Variants in TMEM51 observed in about 807,000 individuals in gnomAD.
The protein encoded by TMEM51 is chromosome 1 open reading frame 72.
A neutral mutation model predicts 13.6 loss-of-function variants in TMEM51; 8 were observed. The ratio of observed to expected loss-of-function variants is 0.59; its 90% confidence interval spans 0.35 to 1.07. TMEM51 has a LOEUF of 1.07. Ranked by LOEUF, TMEM51 falls within the 50% of genes least tolerant of loss-of-function variation. The pLI is 0.02. For synonymous variants in TMEM51, 147 were observed against 144.4 expected (o/e 1.02, Z -0.13); for missense variants, 279 against 330.7 (o/e 0.84, Z 1.21).
At chr1:15,159,644 C>T (rs956719492) in intron 1 of TMEM51, among the ~76,000 whole-genome samples, 2 of 152,202 alleles carry the variant, frequency 1.3e-5, no homozygotes, top group Non-Finnish European at 2.9e-5. Flanking sequence ...GCAACCTCCA[C>T]CTCCCAGGTT....
chr1:15,162,892 G>A (rs890771773), intron 1 of TMEM51, among the ~76,000 whole-genome samples: 7 of 151,992 alleles, frequency 4.6e-5, no homozygotes, highest in Admixed American at 3.9e-4. Context: ...ATGGGTAAGG[G>A]GTTTCAGTTT....
At chr1:15,193,575 C>CTTTCTTTCTTT (rs1249772503) in intron 1 of TMEM51, among the ~76,000 whole-genome samples, 1 of 114,644 alleles carries the variant, frequency 8.7e-6, no homozygotes, top group African/African-American at 3.6e-5. Context: ...TTCTTTCTTT[C>CTTTCTTTCTTT]TTTTTTTTTT....
Position 15,219,776 on chromosome 1 carries a change from T to A in TMEM51, c.*33T>A. ...CACTTGAGCCACGCTCCCTCCTGTC[T>A]CTCACACCTTTCACCCCCAAGACTC... On this transcript the variant is annotated 3_prime_UTR_variant, in exon 4 of 4. Transcript: ENST00000376008. The A allele has an allele frequency of 6.3e-7, 1 of 1,597,782 alleles. No homozygotes were observed. The highest frequency in any genetic ancestry group is 8.5e-7 in the Non-Finnish European group (1 of 1,171,966).
intron 1 of TMEM51, chr1:15,171,363 AG>A (rs1051234106): frequency 2.1e-5 from 26 of 1,259,500 alleles, no homozygotes; most frequent in Non-Finnish European, 2.5e-5. Context: ...ATGCATTCAT[AG>A]GGGGGGCGGC....
chr1:15,165,919 C>CAG (rs144931653), intron 1 of TMEM51, among the ~76,000 whole-genome samples: 36,561 of 151,758 alleles, frequency 0.24, 4,786 homozygotes, highest in African/African-American at 0.35. Flanking sequence ...GCCTGGGTGA[C>CAG]AGTGAGATTT....
At chr1:15,168,514 T>C in intron 1 of TMEM51, 1 of 1,304,602 alleles carries the variant, frequency 7.7e-7, no homozygotes, top group African/African-American at 1.5e-5. Context: ...CTTGGTTTTA[T>C]GATTGGAAGC....
intron 1 of TMEM51, among the ~76,000 whole-genome samples, chr1:15,202,053 T>C (rs1410410337): frequency 1.3e-5 from 2 of 152,146 alleles, no homozygotes; most frequent in African/African-American, 2.4e-5. Flanking sequence ...CCCCAGGAAG[T>C]GGGGTGCCTG....
Position 15,211,821 on chromosome 1 carries a change from ACCCCCC to A in TMEM51, c.-194+1270_-194+1275del, listed in dbSNP as rs3078883. Among the ~76,000 whole-genome samples, 25 of 101,262 alleles carry A rather than the reference ACCCCCC, an allele frequency of 2.5e-4. 2 individuals are homozygous for A. In the East Asian group the frequency reaches 3.2e-3, roughly 13 times the overall value. The allele number at this position is 101,262 out of a possible 152,430, so 66.4% of individuals were successfully genotyped here. ...AATCATGGTACAAGTCTGAAAGGTG[ACCCCCC>A]CCCCCCCCCCGGGATTTTTACATAC... On this transcript the variant is annotated intron_variant, in intron 2 of 3. Coordinates refer to ENST00000376008, the MANE Select transcript of TMEM51 (RefSeq NM_001136218.2).
intron 3 of TMEM51, among the ~76,000 whole-genome samples, chr1:15,215,822 T>A (rs947941769): frequency 6.6e-6 from 1 of 151,864 alleles, no homozygotes; most frequent in Non-Finnish European, 1.5e-5. Context: ...AGGTCAGGAG[T>A]TTGAGACCAG....
At chr1:15,158,348 G>A (rs1341989330) in intron 1 of TMEM51, among the ~76,000 whole-genome samples, 1 of 152,190 alleles carries the variant, frequency 6.6e-6, no homozygotes, top group African/African-American at 2.4e-5. Context: ...TGAACTCTTA[G>A]AAATGGAAGC....
At chr1:15,175,170 T>C (rs4661589) in intron 1 of TMEM51, among the ~76,000 whole-genome samples, 134,148 of 152,076 alleles carry the variant, frequency 0.88, 59,972 homozygotes, top group East Asian at 0.99. Flanking sequence ...GAGGCCGAGG[T>C]GGGTGGATTA....
chr1:15,203,030 C>T lies in TMEM51; in HGVS notation c.-266-7460C>T, dbSNP rs769651619. The stretch of plus-strand genomic sequence containing the variant: ...CTGGCACAATTAGAGCAGCTACTGT[C>T]TGCAGGGCATTGGGTCAAGGCCCTC... On this transcript the variant is annotated intron_variant, in intron 1 of 3. Transcript: ENST00000376008. Among the ~76,000 whole-genome samples, 9 of 152,300 alleles carry T rather than the reference C, an allele frequency of 5.9e-5. No individual in the cohort carries two copies. In the South Asian group the frequency reaches 1.4e-3, roughly 25 times the overall value.
At chr1:15,205,862 G>A (rs2100328960) in intron 1 of TMEM51, among the ~76,000 whole-genome samples, 1 of 152,248 alleles carries the variant, frequency 6.6e-6, no homozygotes, top group Admixed American at 6.5e-5. Flanking sequence ...TCTGTCTCAT[G>A]TATCTCGGTA....
intron 1 of TMEM51, among the ~76,000 whole-genome samples, chr1:15,206,841 C>T (rs1412732280): frequency 2.6e-5 from 4 of 152,194 alleles, no homozygotes; most frequent in Non-Finnish European, 4.4e-5. Flanking sequence ...CTCTATGCCT[C>T]ATTTGCACAT....
intron 1 of TMEM51, among the ~76,000 whole-genome samples, chr1:15,208,986 C>T (rs146003186): frequency 6.6e-6 from 1 of 152,088 alleles, no homozygotes; most frequent in East Asian, 1.9e-4. Flanking sequence ...TATAATAAAA[C>T]GCTCATGTAC....
chr1:15,200,472 G>T (rs1167707470), intron 1 of TMEM51, among the ~76,000 whole-genome samples: 1 of 145,968 alleles, frequency 6.9e-6, no homozygotes, highest in African/African-American at 2.5e-5. Flanking sequence ...AGGGACAACC[G>T]CGTGAGGACA....
At chr1:15,192,086 G>A (rs1454980507) in intron 1 of TMEM51, 10 of 500,240 alleles carry the variant, frequency 2.0e-5, no homozygotes, top group African/African-American at 5.9e-5. Context: ...GACCTGCCAC[G>A]CGACACAGGG....
chr1:15,176,238 A>G (rs1643452743), intron 1 of TMEM51, among the ~76,000 whole-genome samples: 1 of 152,204 alleles, frequency 6.6e-6, no homozygotes. Context: ...GAACAGTCCT[A>G]TGCCCAGTGT....
chr1:15,173,735 T>C (rs1435097705), intron 1 of TMEM51, among the ~76,000 whole-genome samples: 37 of 152,054 alleles, frequency 2.4e-4, no homozygotes, highest in Admixed American at 2.4e-3. Flanking sequence ...CAACTTCTAG[T>C]TCTGTTTATC....
Sources: gnomAD v4.1 joint callset for allele counts (sites outside exome capture counted in the v4.1 genomes callset) on GRCh38, gnomAD v4.1.1 for gene constraint, MANE v1.5 for transcripts, NCBI Gene and HGNC (gene_info 2026-07-23, HGNC 2026-07-21) for gene names.